The following UNC13C variants were observed in gnomAD, a reference collection of about 807,000 sequenced individuals.
The protein encoded by UNC13C is protein unc-13 homolog C.
In UNC13C, 174 loss-of-function variants were observed where a neutral mutation model predicts 245.4. That is an observed-to-expected ratio of 0.71 (90% confidence interval 0.63 to 0.80). The LOEUF (loss-of-function observed/expected upper bound fraction) is 0.80. Among genes scored for constraint, UNC13C ranks in the 30% least tolerant of loss-of-function variants. UNC13C has a pLI of 0.00. For synonymous variants in UNC13C, 992 were observed against 895.1 expected (o/e 1.11, Z -1.93); for missense variants, 2,829 against 2,602.9 (o/e 1.09, Z -1.89).
the UNC13C span, among the ~76,000 whole-genome samples, chr15:53,970,915 A>G: frequency 2.0e-5 from 3 of 152,120 alleles, no homozygotes; most frequent in Admixed American, 1.3e-4. Flanking sequence ...CTATTTTTGA[A>G]TTTTTGAGGA....
chr15:54,319,986 G>A (rs2038107839), intron 13 of UNC13C, among the ~76,000 whole-genome samples: 1 of 151,902 alleles, frequency 6.6e-6, no homozygotes, highest in African/African-American at 2.4e-5. Flanking sequence ...GCATAAAGCT[G>A]GCATTATTCA....
At position 54,627,587 on chromosome 15, in the gene UNC13C, T is replaced by C. The variant is rs917562017; in HGVS notation, c.*474T>C. ...CACTTCTAGAAAGCATTTGTAATTT[T>C]ATAGTCGCAGATATTGTGATTTTTG... On this transcript the variant is annotated 3_prime_UTR_variant, in exon 33 of 33. Coordinates refer to ENST00000260323, the MANE Select transcript of UNC13C (RefSeq NM_001080534.3). The C allele has an allele frequency of 6.5e-6, 1 of 153,100 alleles. No individual in the cohort carries two copies. The highest frequency in any genetic ancestry group is 1.5e-5 in the Non-Finnish European group (1 of 68,346). 9.5% of individuals were successfully genotyped at this position (153,100 alleles called of 1,614,324 possible). A position where few individuals can be genotyped will look rare whatever the true frequency, so the allele number is the denominator to read the frequency against.
At chr15:53,955,464 G>C in the UNC13C span, among the ~76,000 whole-genome samples, 10 of 152,290 alleles carry the variant, frequency 6.6e-5, no homozygotes, top group African/African-American at 2.2e-4. Context: ...GATATAAGTA[G>C]GAATTGAGAA....
At chr15:53,962,574 C>A in the UNC13C span, among the ~76,000 whole-genome samples, 5 of 152,120 alleles carry the variant, frequency 3.3e-5, no homozygotes, top group African/African-American at 1.2e-4. Flanking sequence ...TTCCCTTAGC[C>A]CTAATAGATG....
At chr15:54,624,661 G>C (rs1013625318) in intron 32 of UNC13C, among the ~76,000 whole-genome samples, 2 of 152,146 alleles carry the variant, frequency 1.3e-5, no homozygotes, top group Admixed American at 1.3e-4. Flanking sequence ...AGATCAGTTA[G>C]AAGGCTATTG....
chr15:54,282,362 G>C (rs1219489018), intron 10 of UNC13C, among the ~76,000 whole-genome samples: 1 of 152,058 alleles, frequency 6.6e-6, no homozygotes, highest in Non-Finnish European at 1.5e-5. Flanking sequence ...ACTTGTAGAA[G>C]GGGCGCCCTC....
chr15:54,521,807 T>C (rs58513964), intron 24 of UNC13C, among the ~76,000 whole-genome samples: 11,880 of 152,222 alleles, frequency 0.078, 568 homozygotes, highest in Admixed American at 0.13. Context: ...AAGGTATCAG[T>C]CCAAGGAGAT....
At chr15:54,103,897 A>G (rs943407794) in intron 2 of UNC13C, among the ~76,000 whole-genome samples, 1 of 152,186 alleles carries the variant, frequency 6.6e-6, no homozygotes, top group African/African-American at 2.4e-5. Context: ...GGCATGTGCC[A>G]CCATGCCCAG....
intron 30 of UNC13C, among the ~76,000 whole-genome samples, chr15:54,575,766 C>T (rs1897934509): frequency 6.6e-6 from 1 of 152,228 alleles, no homozygotes; most frequent in Admixed American, 6.5e-5. Flanking sequence ...GGAATCCTAT[C>T]CAGCAGGTCT....
intron 17 of UNC13C, among the ~76,000 whole-genome samples, chr15:54,344,281 C>T (rs995594398): frequency 6.6e-5 from 10 of 152,096 alleles, no homozygotes; most frequent in South Asian, 2.1e-4. Context: ...CAATGATAAA[C>T]GAACAGTTTA....
intron 30 of UNC13C, among the ~76,000 whole-genome samples, chr15:54,581,148 G>C (rs561170144): frequency 4.6e-5 from 7 of 152,206 alleles, no homozygotes; most frequent in African/African-American, 1.7e-4. Flanking sequence ...AGAGATGACT[G>C]TGATGGGAGA....
chr15:54,491,023 A>T (rs1473972630), intron 19 of UNC13C, among the ~76,000 whole-genome samples: 1 of 152,182 alleles, frequency 6.6e-6, no homozygotes, highest in Non-Finnish European at 1.5e-5. Flanking sequence ...ATTGAATTGA[A>T]AGTTAACATA....
chr15:54,339,395 G>T (rs754152830), intron 17 of UNC13C, among the ~76,000 whole-genome samples: 21 of 152,140 alleles, frequency 1.4e-4, no homozygotes, highest in Admixed American at 5.2e-4. Flanking sequence ...AACCCAATTT[G>T]TAGTCTTTTT....
At chr15:53,973,118 T>A in the UNC13C span, among the ~76,000 whole-genome samples, 1 of 152,140 alleles carries the variant, frequency 6.6e-6, no homozygotes, top group Non-Finnish European at 1.5e-5. Context: ...ATTACATAAA[T>A]AGCATATGGC....
At chr15:54,214,533 G>C (rs1043710325) in intron 4 of UNC13C, among the ~76,000 whole-genome samples, 1 of 151,858 alleles carries the variant, frequency 6.6e-6, no homozygotes, top group Admixed American at 6.6e-5. Context: ...TCTGCTGTCA[G>C]GTACTGCTAA....
At position 54,170,478 on chromosome 15, in the gene UNC13C, C is replaced by T. The variant is rs183153073; in HGVS notation, c.3071+26794C>T. Among the ~76,000 whole-genome samples the T allele has an allele frequency of 2.6e-5, 4 of 152,168 alleles. No homozygotes were observed. The East Asian group carries it at 5.8e-4, about 22-fold the overall frequency. On this transcript the variant is annotated intron_variant, in intron 4 of 32. Coordinates refer to ENST00000260323, the MANE Select transcript of UNC13C (RefSeq NM_001080534.3). The stretch of plus-strand genomic sequence containing the variant: ...ATATATTCTGGGGAATTTCAAACAA[C>T]GTCATTATCATTACGTGTGGTACTG...
chr15:54,624,828 C>CA (rs1901034570), intron 32 of UNC13C, among the ~76,000 whole-genome samples: 1 of 151,838 alleles, frequency 6.6e-6, no homozygotes, highest in African/African-American at 2.4e-5. Context: ...TAGAGTAATT[C>CA]AAAATGAGCT....
At chr15:54,003,514 C>T (rs1894995109) in intron 1 of UNC13C, among the ~76,000 whole-genome samples, 1 of 152,116 alleles carries the variant, frequency 6.6e-6, no homozygotes, top group South Asian at 2.1e-4. Flanking sequence ...GGACTGTTCC[C>T]ATTCTCAGAC....
At chr15:53,881,887 C>A in the UNC13C span, among the ~76,000 whole-genome samples, 37 of 152,248 alleles carry the variant, frequency 2.4e-4, no homozygotes, top group African/African-American at 7.9e-4. Flanking sequence ...CACATGATTA[C>A]TTTCACATTA....
Sources: allele counts gnomAD v4.1 joint callset (sites outside exome capture counted in the v4.1 genomes callset), GRCh38; gene constraint gnomAD v4.1.1; transcripts MANE v1.5; gene names NCBI Gene and HGNC (gene_info 2026-07-23, HGNC 2026-07-21).